Variants in WNK1 observed in about 807,000 individuals in gnomAD.
The protein encoded by WNK1 is WNK lysine deficient protein kinase 1, also known as serine/threonine-protein kinase WNK1.
A neutral mutation model predicts 222.8 loss-of-function variants in WNK1; 38 were observed. That is an observed-to-expected ratio of 0.17 (90% CI 0.13 to 0.22). WNK1 has a LOEUF of 0.22. Among genes scored for constraint, WNK1 ranks in the 10% least tolerant of loss-of-function variants. The probability of loss-of-function intolerance (pLI) is 1.00; values close to 1 mark genes in which losing one functional copy is unlikely to be tolerated. For synonymous variants in WNK1, 1,090 were observed against 1,092.9 expected, an observed-to-expected ratio of 1.00 and a Z score of 0.05; for missense variants, 2,348 against 2,918.4, an observed-to-expected ratio of 0.80 and a Z score of 4.50.
Position 889,030 on chromosome 12 carries a change from T to G in WNK1, c.5365-110T>G, listed in dbSNP as rs1953946738. 4.7e-6 allele frequency: 4 copies of G among 855,246 alleles called. No homozygotes were observed. In the South Asian group the frequency reaches 5.3e-5, roughly 11 times the overall value. 53.0% of individuals were successfully genotyped at this position (855,246 alleles called of 1,614,324 possible). On this transcript the variant is annotated intron_variant, in intron 20 of 27. Coordinates refer to ENST00000315939, the MANE Select transcript of WNK1 (RefSeq NM_018979.4). ...TTGTATGTTCCATAAAGACAAATGT[T>G]ATGTTGTGCCAATATAAAGCATAAA...
At chr12:799,521 C>T (rs1418376882) in intron 1 of WNK1, among the ~76,000 whole-genome samples, 1 of 152,082 alleles carries the variant, frequency 6.6e-6, no homozygotes, top group African/African-American at 2.4e-5. Flanking sequence ...TTTATGCCTT[C>T]TCTAAAGTAA....
intron 8 of WNK1, among the ~76,000 whole-genome samples, chr12:863,532 A>G (rs1315303827): frequency 1.3e-5 from 2 of 151,992 alleles, no homozygotes; most frequent in East Asian, 3.9e-4. Flanking sequence ...TTTCTGGATT[A>G]TTATAACTAG....
At chr12:871,930 AAG>A (rs1952188390) in intron 9 of WNK1, among the ~76,000 whole-genome samples, 1 of 152,130 alleles carries the variant, frequency 6.6e-6, no homozygotes, top group South Asian at 2.1e-4. Flanking sequence ...TTACGGTACA[AAG>A]AGTATGTCAT....
rs983540688 is a variant in WNK1, at chr12:909,811, T to G, written c.*1019T>G. On this transcript the variant is annotated 3_prime_UTR_variant, in exon 28 of 28. Transcript: ENST00000315939. ...GTGACCCCAGCAGTCCAGCAGTGGT[T>G]ATGCCAAAGGGAAATTGAAAAAGTA... The G allele has an allele frequency of 6.6e-6, 1 of 152,254 alleles. No homozygotes were observed. Among genetic ancestry groups the G allele is most frequent in the Admixed American group, 6.5e-5 (1 of 15,282 alleles). 9.4% of individuals were successfully genotyped at this position (152,254 alleles called of 1,614,324 possible). A position where few individuals can be genotyped will look rare whatever the true frequency, so the allele number is the denominator to read the frequency against.
chr12:889,337 C>T (rs1953979213), intron 21 of WNK1, 114 bp downstream of exon 21: 2 of 906,808 alleles, frequency 2.2e-6, no homozygotes, highest in Admixed American at 1.8e-5. Context: ...TTCAGAGTTC[C>T]TGCTTATTCT....
intron 2 of WNK1, among the ~76,000 whole-genome samples, chr12:826,611 TTTAA>T (rs1474040115): frequency 6.6e-6 from 1 of 152,226 alleles, no homozygotes; most frequent in Admixed American, 6.5e-5. Context: ...TACTCCACTA[TTTAA>T]CAGAAGCAGA....
At chr12:790,409 A>T (rs1032247475) in intron 1 of WNK1, among the ~76,000 whole-genome samples, 1 of 152,068 alleles carries the variant, frequency 6.6e-6, no homozygotes, top group Non-Finnish European at 1.5e-5. Context: ...ACATCTGGAG[A>T]AAGTGGTCTG....
chr12:908,209 A>G lies in WNK1; in HGVS notation c.6831+175A>G, dbSNP rs944997503. The G allele has an allele frequency of 4.4e-6, 4 of 908,492 alleles. No homozygotes were observed. The African/African-American group carries it at 5.0e-5, about 11-fold the overall frequency. The allele number at this position is 908,492 out of a possible 1,614,324, so 56.3% of individuals were successfully genotyped here. On this transcript the variant is annotated intron_variant, in intron 27 of 27. Coordinates refer to ENST00000315939, the MANE Select transcript of WNK1 (RefSeq NM_018979.4). ...TTTATTTTTCCTTCCCTGAATTCCT[A>G]ACCTCTTGTTGGTCAGCTCAACTTT...
chr12:846,025 T>C (rs1312031668), intron 4 of WNK1, among the ~76,000 whole-genome samples: 8 of 152,204 alleles, frequency 5.3e-5, no homozygotes, highest in African/African-American at 1.9e-4. Flanking sequence ...GGAGAAATAA[T>C]AGTAGTCAGA....
intron 8 of WNK1, among the ~76,000 whole-genome samples, chr12:863,434 A>G (rs1951368008): frequency 2.0e-5 from 3 of 152,316 alleles, no homozygotes; most frequent in South Asian, 4.1e-4. Context: ...GAAGAACTTT[A>G]TAAAGACTGC....
At chr12:811,335 A>G (rs1378880882) in intron 1 of WNK1, among the ~76,000 whole-genome samples, 1 of 152,198 alleles carries the variant, frequency 6.6e-6, no homozygotes, top group Non-Finnish European at 1.5e-5. Context: ...TATAATAACA[A>G]ACGTGGATCT....
At chr12:777,071 T>C (rs1486767968) in intron 1 of WNK1, among the ~76,000 whole-genome samples, 8 of 152,270 alleles carry the variant, frequency 5.3e-5, no homozygotes, top group South Asian at 4.1e-4. Context: ...CATTCCATGA[T>C]GTGCAGTGTT....
chr12:889,545 G>A (rs901593288), intron 21 of WNK1, among the ~76,000 whole-genome samples: 1 of 152,184 alleles, frequency 6.6e-6, no homozygotes, highest in South Asian at 2.1e-4. Context: ...TGGGCTAGGT[G>A]CAGTGGCTCA....
intron 8 of WNK1, among the ~76,000 whole-genome samples, chr12:867,147 G>T (rs1212183759): frequency 6.6e-6 from 1 of 151,974 alleles, no homozygotes; most frequent in Non-Finnish European, 1.5e-5. Flanking sequence ...AAATTTCATG[G>T]TTATGCAACT....
At chr12:808,764 T>C (rs962788726) in intron 1 of WNK1, among the ~76,000 whole-genome samples, 2,092 of 113,434 alleles carry the variant, frequency 0.018, 42 homozygotes, top group African/African-American at 0.053. Context: ...TCTCTCTCTT[T>C]TTTTTTTTTT....
rs543417378 is a variant in WNK1, at chr12:758,567, T to G, written c.759+4243T>G. On this transcript the variant is annotated intron_variant, in intron 1 of 27. Coordinates refer to ENST00000315939, the MANE Select transcript of WNK1 (RefSeq NM_018979.4). ...CGTGCCCGGCTAATTTTTTGTATTT[T>G]TAGTAGAGACGGGGTTTCACCTTGT... Among the ~76,000 whole-genome samples the G allele has an allele frequency of 8.1e-4, 117 of 145,102 alleles. 10 individuals are homozygous for G. Among genetic ancestry groups the G allele is most frequent in the Non-Finnish European group, 2.6e-4 (17 of 65,220 alleles).
intron 1 of WNK1, among the ~76,000 whole-genome samples, chr12:803,231 G>A (rs1032318647): frequency 1.3e-5 from 2 of 152,096 alleles, no homozygotes; most frequent in African/African-American, 4.8e-5. Context: ...CTCTAAGGAT[G>A]GCCTTCTTTG....
intron 1 of WNK1, among the ~76,000 whole-genome samples, chr12:800,054 G>T (rs546005834): frequency 6.6e-6 from 1 of 152,290 alleles, no homozygotes; most frequent in South Asian, 2.1e-4. Flanking sequence ...TGAGACGGTA[G>T]GATTGCTTGA....
At position 908,750 on chromosome 12, in the gene WNK1, A is replaced by G. The variant is rs1367257427; in HGVS notation, c.7107A>G (p.Lys2369=). The G allele has an allele frequency of 6.2e-7, 1 of 1,611,604 alleles. No individual in the cohort carries two copies. Among genetic ancestry groups the G allele is most frequent in the Non-Finnish European group, 8.5e-7 (1 of 1,179,316 alleles). ...ATTTCAACATCAGCAATTTGCAGAA[A>G]TCCATCAGCAACCCCCCAGGCTCCA... is the stretch of plus-strand genomic sequence containing the variant. ...LQNFNISNLQ[K]SISNPPGSNL... Residue 2369 remains lysine, a synonymous_variant, in exon 28 of 28, where the codon AAA becomes AAG. Coordinates refer to ENST00000315939, the MANE Select transcript of WNK1 (RefSeq NM_018979.4).
Sources: allele counts gnomAD v4.1 joint callset (sites outside exome capture counted in the v4.1 genomes callset), GRCh38; gene constraint gnomAD v4.1.1; transcripts MANE v1.5; gene names NCBI Gene and HGNC (gene_info 2026-07-23, HGNC 2026-07-21).